Variants in TRIML2 observed in about 807,000 individuals in gnomAD.
TRIML2 encodes the protein tripartite motif family like 2.
Under a neutral mutation model 31.2 loss-of-function variants are expected in TRIML2, and 28 were observed. The observed-to-expected ratio is 0.90, with a 90% CI of 0.66 to 1.23. The LOEUF (loss-of-function observed/expected upper bound fraction) is 1.23. Among genes scored for constraint, TRIML2 ranks in the 50% most tolerant of loss-of-function variants. The pLI is 0.00. For missense variants in TRIML2, 536 were observed against 528.3 expected (o/e 1.01, Z -0.14); for synonymous variants, 187 against 197.5 (o/e 0.95, Z 0.45).
chr4:188,099,588 CA>C (rs200928701), intron 4 of TRIML2, among the ~76,000 whole-genome samples: 199 of 139,234 alleles, frequency 1.4e-3, no homozygotes, highest in Middle Eastern at 3.6e-3. Flanking sequence ...AAACCAAAAC[CA>C]AAAAAAAAAA....
At chr4:188,106,779 C>T (rs970291194) in intron 1 of TRIML2, 3 of 222,776 alleles carry the variant, frequency 1.3e-5, no homozygotes, top group East Asian at 1.2e-4. Context: ...TTCCCCGGCC[C>T]GCGCTGGGAA....
rs372408689 is a variant in TRIML2, at chr4:188,099,193, C to T, written c.481-18G>A. On this transcript the variant is annotated intron_variant, in intron 4 of 7. Transcript: ENST00000682553. ...CCCAGTCTCTGCAGAAGCATTTCTT[C>T]GTTACTATTCAACAACCTCAAGTTC... is the stretch of plus-strand genomic sequence containing the variant. The T allele has an allele frequency of 4.5e-5, 71 of 1,575,804 alleles. No homozygotes were observed. Among genetic ancestry groups the T allele is most frequent in the East Asian group, 1.8e-4 (8 of 44,108 alleles).
At position 188,097,395 on chromosome 4, in the gene TRIML2, T is replaced by G. The variant is rs764999780; in HGVS notation, c.622-49A>C. On this transcript the variant is annotated intron_variant, in intron 5 of 7. Transcript: ENST00000682553. ...GTTACTACTGGGTTTTTGAGCTGTT[T>G]TTGCAATCTGTGCCCAGGAAAATAT... The G allele has an allele frequency of 5.0e-6, 8 of 1,588,566 alleles. No homozygotes were observed. The South Asian group carries it at 8.9e-5, about 18-fold the overall frequency.
intron 7 of TRIML2, among the ~76,000 whole-genome samples, 194 bp downstream of exon 7, chr4:188,096,867 G>A (rs1733542372): frequency 6.6e-6 from 1 of 152,058 alleles, no homozygotes; most frequent in South Asian, 2.1e-4. Flanking sequence ...ATGTTGGTTA[G>A]GCTGGTCTCG....
At chr4:188,096,023 A>T (rs1239306475) in intron 7 of TRIML2, among the ~76,000 whole-genome samples, 1 of 152,216 alleles carries the variant, frequency 6.6e-6, no homozygotes, top group African/African-American at 2.4e-5. Flanking sequence ...TTTGTTATAC[A>T]TGCTGAATTT....
At chr4:188,105,104 G>A (rs573176023) in intron 2 of TRIML2, 76 bp downstream of exon 2, 24 of 1,517,864 alleles carry the variant, frequency 1.6e-5, no homozygotes, top group Non-Finnish European at 1.8e-5. Flanking sequence ...TGGTTTTGGA[G>A]GACCAGAATG....
At chr4:188,101,374 G>A in intron 3 of TRIML2, 124 bp from the exon 4 acceptor site, 1 of 502,358 alleles carries the variant, frequency 2.0e-6, no homozygotes, top group Non-Finnish European at 3.2e-6. Flanking sequence ...TGACCACAAT[G>A]TATTCTTTCC....
Position 188,097,126 on chromosome 4 carries a change from G to A in TRIML2, c.680C>T (p.Ala227Val). Reference protein sequence around the residue: ...KSLLLEHLEPAHITDLSLCHI... With the variant: ...KSLLLEHLEPVHITDLSLCHI... ...GCATAAACTCAGGTCTGTGATATGA[G>A]CGGGCTCCAGATGCTCAAGCAGCAG... The change falls in exon 7 of 8, where the codon GCT becomes GTT. Residue 227 changes from alanine to valine, a missense_variant. Transcript: ENST00000682553. The A allele has an allele frequency of 3.1e-6, 5 of 1,614,124 alleles. No individual in the cohort carries two copies. The highest frequency in any genetic ancestry group is 3.4e-6 in the Non-Finnish European group (4 of 1,180,010).
chr4:188,091,624 A>T lies in TRIML2; in HGVS notation c.1063T>A (p.Phe355Ile), dbSNP rs1218442782. The T allele has an allele frequency of 1.9e-6, 3 of 1,614,026 alleles. No individual in the cohort carries two copies. Among genetic ancestry groups the T allele is most frequent in the African/African-American group, 2.7e-5 (2 of 74,942 alleles). ...VMGTEWTLWV[F>I]PPLKRLFLEK... Reference sequence around the variant, plus strand: ...AGGAAGAGCCTTTTCAGAGGGGGGAAGACCCAGAGAGTCCACTCGGTCCCC... The same window carrying T: ...AGGAAGAGCCTTTTCAGAGGGGGGATGACCCAGAGAGTCCACTCGGTCCCC... Residue 355 changes from phenylalanine to isoleucine, a missense_variant, in exon 8 of 8, where the codon TTC (phenylalanine) becomes ATC (isoleucine). By Grantham distance (21) the Phe-to-Ile change is conservative (BLOSUM62 0). Coordinates refer to ENST00000682553, the MANE Select transcript of TRIML2 (RefSeq NM_173553.4).
intron 2 of TRIML2, 116 bp downstream of exon 2, chr4:188,105,064 A>G: frequency 7.1e-7 from 1 of 1,410,260 alleles, no homozygotes; most frequent in Admixed American, 1.8e-5. Flanking sequence ...AACTTATCTA[A>G]TATTCTGTAA....
intron 1 of TRIML2, chr4:188,106,420 T>A (rs1422967530): frequency 6.6e-6 from 1 of 152,236 alleles, no homozygotes; most frequent in Non-Finnish European, 1.5e-5. Flanking sequence ...GCCACTCTTC[T>A]CAATAATTGT....
intron 4 of TRIML2, 131 bp downstream of exon 4, chr4:188,100,925 G>T: frequency 2.7e-6 from 2 of 739,172 alleles, no homozygotes; most frequent in Non-Finnish European, 4.2e-6. Context: ...AAATGGAGTT[G>T]CCAGGTAGGT....
chr4:188,097,353 G>A lies in TRIML2; in HGVS notation c.622-7C>T, dbSNP rs552580491. 1.9e-6 allele frequency: 3 copies of A among 1,613,830 alleles called. No individual in the cohort carries two copies. Among genetic ancestry groups the A allele is most frequent in the Admixed American group, 1.7e-5 (1 of 59,964 alleles). On this transcript the variant is annotated splice_polypyrimidine_tract_variant and splice_region_variant and intron_variant, in intron 5 of 7. Transcript: ENST00000682553. ...CTAAAGAGTATTTTGCATTCTAAGG[G>A]AAAGAAAAGAGACCAGGTTACTACT... is the stretch of plus-strand genomic sequence containing the variant.
chr4:188,098,297 CG>C, intron 5 of TRIML2: 1 of 450,542 alleles, frequency 2.2e-6, no homozygotes, highest in South Asian at 1.6e-5. Flanking sequence ...ATTCAGTGTC[CG>C]GTGAGGGCTC....
intron 7 of TRIML2, chr4:188,092,773 C>A: frequency 2.2e-6 from 1 of 454,812 alleles, no homozygotes; most frequent in Non-Finnish European, 4.4e-6. Flanking sequence ...TGTGTGGACC[C>A]TCCAGAAACT....
chr4:188,098,107 G>T, intron 5 of TRIML2: 1 of 276,722 alleles, frequency 3.6e-6, no homozygotes, highest in Non-Finnish European at 7.3e-6. Context: ...GAGATAGAGC[G>T]AGACTCCGTC....
At chr4:188,099,936 T>C (rs1733698081) in intron 4 of TRIML2, among the ~76,000 whole-genome samples, 1 of 148,320 alleles carries the variant, frequency 6.7e-6, no homozygotes, top group East Asian at 2.7e-4. Context: ...AAGTATACTT[T>C]ACATATACTG....
At chr4:188,092,894 G>T (rs1317378029) in intron 7 of TRIML2, 1 of 456,500 alleles carries the variant, frequency 2.2e-6, no homozygotes, top group African/African-American at 2.0e-5. Flanking sequence ...TAACTATTGT[G>T]ATCTTTCAGG....
intron 6 of TRIML2, 61 bp from the exon 7 acceptor site, chr4:188,097,222 T>C (rs1733557783): frequency 5.7e-6 from 9 of 1,589,996 alleles, no homozygotes; most frequent in East Asian, 2.2e-5. Flanking sequence ...GTCTACTGGA[T>C]GGATCCCATT....
Sources: gnomAD v4.1 joint callset for allele counts (sites outside exome capture counted in the v4.1 genomes callset) on GRCh38, gnomAD v4.1.1 for gene constraint, MANE v1.5 for transcripts, NCBI Gene and HGNC (gene_info 2026-07-23, HGNC 2026-07-21) for gene names.